The following FAM219A variants were observed in gnomAD, a reference collection of about 807,000 sequenced individuals.
FAM219A encodes family with sequence similarity 219 member A.
In FAM219A, 7 loss-of-function variants were observed where a neutral mutation model predicts 23.4. That is an observed-to-expected ratio of 0.30 (90% confidence interval 0.17 to 0.56). The LOEUF is 0.56. Ranked by LOEUF, FAM219A falls within the 20% of genes least tolerant of loss-of-function variation. FAM219A has a pLI of 0.92. For missense variants in FAM219A, 166 were observed against 246.9 expected (o/e 0.67, Z 2.20); for synonymous variants, 93 against 99.0 (o/e 0.94, Z 0.36).
chr9:34,418,938 A>C (rs1458006419), intron 1 of FAM219A, among the ~76,000 whole-genome samples: 1 of 152,056 alleles, frequency 6.6e-6, no homozygotes. Flanking sequence ...AGCCAGGTGT[A>C]GTGTTGCACA....
chr9:34,453,789 A>G (rs1047186690), intron 1 of FAM219A, among the ~76,000 whole-genome samples: 1 of 152,230 alleles, frequency 6.6e-6, no homozygotes, highest in African/African-American at 2.4e-5. Context: ...ATTTGTTCTT[A>G]AAACAAATCT....
rs1821302063 is a variant in FAM219A at position 34,398,476 on chromosome 9, C to A, written c.*2488G>T. ...CCAGACAGGGAAGGAGGGAGCCACA[C>A]CCCTCCCTAGACACAGAAGCTGCCA... On this transcript the variant is annotated 3_prime_UTR_variant, in exon 6 of 6. Transcript: ENST00000651358. 2.6e-6 allele frequency: 3 copies of A among 1,173,740 alleles called. No homozygotes were observed. Among genetic ancestry groups the A allele is most frequent in the African/African-American group, 1.5e-5 (1 of 65,602 alleles). 72.7% of individuals were successfully genotyped at this position (1,173,740 alleles called of 1,614,324 possible).
Position 34,400,840 on chromosome 9 carries a change from C to A in FAM219A, c.*124G>T, listed in dbSNP as rs1588026764. The A allele has an allele frequency of 8.2e-6, 8 of 972,088 alleles. No homozygotes were observed. In the South Asian group the frequency reaches 1.3e-4, roughly 15 times the overall value. The allele number at this position is 972,088 out of a possible 1,614,324, so 60.2% of individuals were successfully genotyped here. On this transcript the variant is annotated 3_prime_UTR_variant, in exon 6 of 6. Coordinates refer to ENST00000651358, the MANE Select transcript of FAM219A (RefSeq NM_001184940.2). Reference sequence around the variant, plus strand: ...ATAGGAGGAAGCAATGACTGTTATACGAGGTTGGCGGCTGTAGGGGCGCGG... The same window carrying A: ...ATAGGAGGAAGCAATGACTGTTATAAGAGGTTGGCGGCTGTAGGGGCGCGG...
At chr9:34,404,784 T>G (rs959038489) in intron 2 of FAM219A, among the ~76,000 whole-genome samples, 1 of 152,096 alleles carries the variant, frequency 6.6e-6, no homozygotes, top group African/African-American at 2.4e-5. Context: ...TAATCTGATG[T>G]CCTAGGAATA....
chr9:34,402,860 C>G, intron 2 of FAM219A, 53 bp from the exon 3 acceptor site: 1 of 1,558,816 alleles, frequency 6.4e-7, no homozygotes, highest in South Asian at 1.1e-5. Context: ...GCCACCCTGT[C>G]TTACTACTCA....
chr9:34,412,531 C>G (rs896931575), intron 1 of FAM219A, among the ~76,000 whole-genome samples: 24 of 149,240 alleles, frequency 1.6e-4, no homozygotes, highest in African/African-American at 5.2e-4. Context: ...TGTGGGAGCT[C>G]AGAAAATGGG....
At chr9:34,406,384 G>A (rs1023938673) in intron 1 of FAM219A, 15 of 985,284 alleles carry the variant, frequency 1.5e-5, no homozygotes, top group Non-Finnish European at 1.7e-5. Context: ...GGGAGAGCAG[G>A]TGCTGTCTGA....
At chr9:34,448,901 CTGTT>C (rs1823461801) in intron 1 of FAM219A, among the ~76,000 whole-genome samples, 1 of 151,236 alleles carries the variant, frequency 6.6e-6, no homozygotes, top group Non-Finnish European at 1.5e-5. Context: ...ACATTGTACA[CTGTT>C]TGGGTGACAG....
At chr9:34,455,516 G>C (rs1823699437) in intron 1 of FAM219A, among the ~76,000 whole-genome samples, 1 of 148,770 alleles carries the variant, frequency 6.7e-6, no homozygotes, top group Non-Finnish European at 1.5e-5. Context: ...GCCCAGGCTG[G>C]AATGTAGTGG....
chr9:34,418,398 G>T (rs1822115415), intron 1 of FAM219A, among the ~76,000 whole-genome samples: 1 of 152,174 alleles, frequency 6.6e-6, no homozygotes. Flanking sequence ...TGGGAGATAG[G>T]ATAAATACCT....
intron 1 of FAM219A, among the ~76,000 whole-genome samples, chr9:34,435,684 A>G (rs1255902415): frequency 2.0e-5 from 3 of 152,372 alleles, no homozygotes; most frequent in East Asian, 1.9e-4. Context: ...TGCATCTATC[A>G]TGAATATCTT....
intron 1 of FAM219A, among the ~76,000 whole-genome samples, chr9:34,449,345 A>G (rs1323260927): frequency 1.3e-5 from 2 of 152,212 alleles, no homozygotes; most frequent in South Asian, 2.1e-4. Context: ...TACAATATAT[A>G]AATTATATCT....
intron 1 of FAM219A, among the ~76,000 whole-genome samples, chr9:34,456,576 A>G (rs1823737069): frequency 6.6e-6 from 1 of 152,208 alleles, no homozygotes; most frequent in Non-Finnish European, 1.5e-5. Flanking sequence ...GATGCTTAGA[A>G]CTGGAAGGGC....
intron 1 of FAM219A, among the ~76,000 whole-genome samples, chr9:34,422,482 T>A (rs1822318220): frequency 6.6e-6 from 1 of 152,198 alleles, no homozygotes; most frequent in Non-Finnish European, 1.5e-5. Context: ...AACTTACACC[T>A]CTGTGGGACT....
At chr9:34,429,215 C>G (rs991906266) in intron 1 of FAM219A, among the ~76,000 whole-genome samples, 1 of 152,158 alleles carries the variant, frequency 6.6e-6, no homozygotes, top group South Asian at 2.1e-4. Flanking sequence ...TTTCTTTGAC[C>G]AGGAGGTTCT....
Position 34,405,876 on chromosome 9 carries a change from T to G in FAM219A, c.149A>C (p.Gln50Pro). 6.2e-7 allele frequency: 1 copy of G among 1,613,968 alleles called. No homozygotes were observed. Among genetic ancestry groups the G allele is most frequent in the Non-Finnish European group, 8.5e-7 (1 of 1,179,938 alleles). ...VAMNYKPSPL[Q>P]VKLEKQRELA... Reference sequence around the variant, plus strand: ...CCAGACACACTCACCCAGCTTCACTTGGAGCGGGGATGGTTTGTAATTCAT... The same window carrying G: ...CCAGACACACTCACCCAGCTTCACTGGGAGCGGGGATGGTTTGTAATTCAT... Residue 50 changes from glutamine (Q) to proline (P), a missense_variant, in exon 2 of 6, where the codon CAA becomes CCA. Coordinates refer to ENST00000651358, the MANE Select transcript of FAM219A (RefSeq NM_001184940.2).
chr9:34,458,153 CTCAAGCGACG>C lies in FAM219A; in HGVS notation c.60+41_60+50del. The C allele has an allele frequency of 3.9e-6, 6 of 1,536,820 alleles. No homozygotes were observed. The highest frequency in any genetic ancestry group is 3.7e-5 in the Admixed American group (2 of 53,536). On this transcript the variant is annotated intron_variant, in intron 1 of 5. Transcript: ENST00000651358. The surrounding 1 kb of genome is among the most constrained non-coding windows in gnomAD (Gnocchi z 6.6). ...CCCCGGCCTGATTCCCTCCCTCCCC[CTCAAGCGACG>C]CCCCCTCCGGCCTTGGCCTGCCCGC...
chr9:34,442,872 T>C (rs973837725), intron 1 of FAM219A, among the ~76,000 whole-genome samples: 1 of 152,074 alleles, frequency 6.6e-6, no homozygotes, highest in Non-Finnish European at 1.5e-5. Flanking sequence ...TTTTTAGAGA[T>C]AGTATAATGT....
chr9:34,438,122 G>A lies in FAM219A; in HGVS notation c.60+20082C>T, dbSNP rs541085385. 2.2e-4 allele frequency among the ~76,000 whole-genome samples: 33 copies of A among 152,354 alleles called. No homozygotes were observed. The South Asian group carries it at 6.4e-3, about 30-fold the overall frequency. ...CCCACAGCAGTGCCAGCCCACGGGC[G>A]CTGTGCTCGATTTCTCACCAAGCCT... On this transcript the variant is annotated intron_variant, in intron 1 of 5. Transcript: ENST00000651358.
Sources: gnomAD v4.1 joint callset for allele counts (sites outside exome capture counted in the v4.1 genomes callset) on GRCh38, gnomAD v4.1.1 for gene constraint, Gnocchi (gnomAD v3.1) non-coding constraint, MANE v1.5 for transcripts, NCBI Gene and HGNC (gene_info 2026-07-23, HGNC 2026-07-21) for gene names.